The following PDE9A variants were observed in gnomAD, a reference collection of about 807,000 sequenced individuals.
PDE9A encodes the protein phosphodiesterase 9A, also known as high affinity cGMP-specific 3',5'-cyclic phosphodiesterase 9A.
PDE9A carries 60 observed loss-of-function variants against 87.4 expected under a neutral mutation model. The ratio of observed to expected loss-of-function variants is 0.69; its 90% CI spans 0.56 to 0.85. PDE9A has a LOEUF of 0.85. PDE9A is among the 40% of genes least tolerant of loss of function. PDE9A has a pLI of 0.00. For missense variants in PDE9A, 665 were observed against 779.0 expected (o/e 0.85, Z 1.74); for synonymous variants, 272 against 279.4 (o/e 0.97, Z 0.27).
intron 1 of PDE9A, among the ~76,000 whole-genome samples, chr21:42,685,718 T>C (rs1441223902): frequency 6.6e-6 from 1 of 152,236 alleles, no homozygotes; most frequent in African/African-American, 2.4e-5. Flanking sequence ...TCCACCCGCC[T>C]CTGCCTCCCA....
In PDE9A at chr21:42,662,946, AC is replaced by A. The variant is rs375641007; in HGVS notation, c.69+9064del. On this transcript the variant is annotated intron_variant, in intron 1 of 19. Coordinates refer to ENST00000291539, the MANE Select transcript of PDE9A (RefSeq NM_002606.3). ...CATCACACACATGCACACCACGCAC[AC>A]GCACATCACATGCACACGCCACGCG... Among the ~76,000 whole-genome samples the A allele has an allele frequency of 9.7e-3, 1,433 of 148,490 alleles. 21 individuals carry two copies. Among genetic ancestry groups the A allele is most frequent in the African/African-American group, 0.034 (1,341 of 39,818 alleles).
chr21:42,656,302 G>A (rs73905717), intron 1 of PDE9A, among the ~76,000 whole-genome samples: 29,283 of 152,116 alleles, frequency 0.19, 2,929 homozygotes, highest in African/African-American at 0.26. Flanking sequence ...CCTGGCGATG[G>A]GCACACCCGC....
chr21:42,770,691 T>G lies in PDE9A; in HGVS notation c.1591-12T>G. 2 of 1,603,380 alleles carry G rather than the reference T, an allele frequency of 1.2e-6. No individual in the cohort carries two copies. Among genetic ancestry groups the G allele is most frequent in the Non-Finnish European group, 8.5e-7 (1 of 1,170,180 alleles). On this transcript the variant is annotated splice_polypyrimidine_tract_variant and intron_variant, in intron 17 of 19. Transcript: ENST00000291539. Reference sequence around the variant, plus strand: ...ACGAGGGACTCTGAATAAATCCGTGTGTCTCTCCCAGCTCTTCCCCATGGT... The same window carrying G: ...ACGAGGGACTCTGAATAAATCCGTGGGTCTCTCCCAGCTCTTCCCCATGGT...
intron 1 of PDE9A, among the ~76,000 whole-genome samples, chr21:42,683,886 G>C (rs2269140): frequency 0.28 from 42,992 of 152,128 alleles, 6,162 homozygotes; most frequent in East Asian, 0.38. Flanking sequence ...TTTGTGCCCA[G>C]GAGGAGAAGC....
intron 3 of PDE9A, chr21:42,690,052 G>C (rs1602071032): frequency 5.1e-6 from 5 of 985,404 alleles, no homozygotes; most frequent in Non-Finnish European, 6.0e-6. Context: ...TGAGGATACA[G>C]ATGGAGAAGA....
intron 15 of PDE9A, 61 bp downstream of exon 15, chr21:42,765,555 C>T: frequency 1.2e-6 from 1 of 860,514 alleles, no homozygotes; most frequent in Non-Finnish European, 2.0e-6. Context: ...GCAGGTCATC[C>T]ATCCAGCTCA....
chr21:42,657,169 A>G lies in PDE9A; in HGVS notation c.69+3286A>G, dbSNP rs138179196. ...AGCCCTTTGTGCAGAACTGGTAGCC[A>G]TGAGGATGGCCTGGTGAGAAGCTGC... On this transcript the variant is annotated intron_variant, in intron 1 of 19. Coordinates refer to ENST00000291539, the MANE Select transcript of PDE9A (RefSeq NM_002606.3). 1.2e-4 allele frequency among the ~76,000 whole-genome samples: 18 copies of G among 152,276 alleles called. No homozygotes were observed. In the East Asian group the frequency reaches 3.1e-3, roughly 26 times the overall value.
intron 10 of PDE9A, chr21:42,758,718 T>G: frequency 2.6e-6 from 1 of 389,986 alleles, no homozygotes; most frequent in Non-Finnish European, 4.7e-6. Flanking sequence ...CTCCTTGACT[T>G]CGGAACTGGC....
At chr21:42,687,642 C>T (rs557739179) in intron 2 of PDE9A, among the ~76,000 whole-genome samples, 46 of 152,312 alleles carry the variant, frequency 3.0e-4, no homozygotes, top group Non-Finnish European at 5.4e-4. Flanking sequence ...AAAAAAATCT[C>T]CCAACTCAAT....
intron 3 of PDE9A, chr21:42,689,650 C>T: frequency 4.1e-6 from 4 of 985,400 alleles, no homozygotes; most frequent in Non-Finnish European, 4.8e-6. Flanking sequence ...TAGGAGAAGC[C>T]CACCTTGACC....
At chr21:42,773,350 T>G (rs1282612118) in intron 19 of PDE9A, among the ~76,000 whole-genome samples, 1 of 152,086 alleles carries the variant, frequency 6.6e-6, no homozygotes, top group East Asian at 1.9e-4. Context: ...TATGTATCAC[T>G]TATAAGAGTA....
intron 14 of PDE9A, 124 bp downstream of exon 14, chr21:42,762,363 G>T (rs918463791): frequency 1.0e-6 from 1 of 999,704 alleles, no homozygotes; most frequent in Non-Finnish European, 1.5e-6. Flanking sequence ...GGGACCCAAG[G>T]GAACCCCTCC....
At chr21:42,714,284 T>C (rs1157005331) in intron 4 of PDE9A, among the ~76,000 whole-genome samples, 1 of 152,216 alleles carries the variant, frequency 6.6e-6, no homozygotes, top group Non-Finnish European at 1.5e-5. Context: ...CCCAAAGTGC[T>C]GGGATTACAG....
rs1184945423 is a variant in PDE9A, at chr21:42,704,042, C to T, written c.262+5031C>T. ...CGAGAAGGTGGTCAGGGCCCAGGCT[C>T]CCGCCAGCCCTCACGGCAGCACGAG... On this transcript the variant is annotated intron_variant, in intron 4 of 19. Transcript: ENST00000291539. The surrounding 1 kb of genome is among the most constrained non-coding windows in gnomAD (Gnocchi z 5.3). Among the ~76,000 whole-genome samples, 1 of 152,176 alleles carries T rather than the reference C, an allele frequency of 6.6e-6. No homozygotes were observed. Among genetic ancestry groups the T allele is most frequent in the Non-Finnish European group, 1.5e-5 (1 of 68,034 alleles).
intron 15 of PDE9A, 162 bp downstream of exon 15, chr21:42,765,656 G>A: frequency 1.6e-6 from 1 of 641,768 alleles, no homozygotes. Flanking sequence ...TACTAGGAAA[G>A]TCCGGGCAGG....
chr21:42,662,613 C>T (rs541903713), intron 1 of PDE9A, among the ~76,000 whole-genome samples: 2 of 140,860 alleles, frequency 1.4e-5, no homozygotes, highest in South Asian at 4.6e-4. Flanking sequence ...TGCACACACA[C>T]CACACACACC....
chr21:42,712,489 A>G (rs893840256), intron 4 of PDE9A, among the ~76,000 whole-genome samples: 17 of 152,190 alleles, frequency 1.1e-4, no homozygotes. Context: ...TAATTATTGC[A>G]TTCCAATTTT....
At chr21:42,767,175 T>C (rs766843715) in intron 15 of PDE9A, among the ~76,000 whole-genome samples, 77 of 151,084 alleles carry the variant, frequency 5.1e-4, no homozygotes, top group Non-Finnish European at 1.0e-3. Flanking sequence ...GGGGGAAAGG[T>C]TCTGATTCAA....
chr21:42,698,961 T>C lies in PDE9A; in HGVS notation c.219-7T>C. ...GTCTCACAGCGGCACTGTCTTCTCT[T>C]TTGCAGCACTCCGTACAAAGTGAGA... On this transcript the variant is annotated splice_region_variant and splice_polypyrimidine_tract_variant and intron_variant, in intron 3 of 19. Transcript: ENST00000291539. The C allele has an allele frequency of 1.9e-6, 3 of 1,611,596 alleles. No homozygotes were observed. The highest frequency in any genetic ancestry group is 2.5e-6 in the Non-Finnish European group (3 of 1,177,856).
Sources: allele counts gnomAD v4.1 joint callset (sites outside exome capture counted in the v4.1 genomes callset), GRCh38; gene constraint gnomAD v4.1.1; non-coding constraint Gnocchi (gnomAD v3.1); transcripts MANE v1.5; gene names NCBI Gene and HGNC (gene_info 2026-07-23, HGNC 2026-07-21).